The following ATP2B3 variants were observed in gnomAD, a reference collection of about 807,000 sequenced individuals.
ATP2B3 encodes the protein plasma membrane calcium-transporting ATPase 3.
In ATP2B3, 12 loss-of-function variants were observed where a neutral mutation model predicts 70.8. That is an observed-to-expected ratio of 0.17 (90% CI 0.11 to 0.27). The LOEUF (loss-of-function observed/expected upper bound fraction) is 0.27. ATP2B3 is among the 10% of genes least tolerant of loss of function. The pLI is 1.00. For missense variants in ATP2B3, 858 were observed against 1,118.5 expected (o/e 0.77, Z 3.32); for synonymous variants, 460 against 497.8 (o/e 0.92, Z 1.01).
intron 3 of ATP2B3, among the ~76,000 whole-genome samples, chrX:153,539,092 G>C (rs370087290): frequency 2.7e-5 from 3 of 112,532 alleles, no homozygotes; most frequent in African/African-American, 9.7e-5. Context: ...CGGTTAGCAC[G>C]TGCTTCTTCT....
At chrX:153,532,514 G>A (rs1343231464) in intron 2 of ATP2B3, among the ~76,000 whole-genome samples, 4 of 112,074 alleles carry the variant, frequency 3.6e-5, no homozygotes, top group South Asian at 3.7e-4. Context: ...TCCAGAAGGC[G>A]GTTGAGTAAT....
Position 153,549,537 on chromosome X carries a change from C to G in ATP2B3, c.1379C>G (p.Ala460Gly). The G allele has an allele frequency of 8.2e-7, 1 of 1,212,222 alleles. No individual in the cohort carries two copies. The highest frequency in any genetic ancestry group is 1.7e-5 in the African/African-American group (1 of 57,929). Residue 460 changes from alanine to glycine, a missense_variant, in exon 11 of 22, where the codon GCC (alanine) becomes GGC (glycine). Around this residue, in one of 5 missense-constraint regions of ATP2B3, gnomAD observed 23 missense variants for 59.0 expected, o/e 0.39. Transcript: ENST00000263519. ...AACAACCTGGTGCGCCACCTGGATG[C>G]CTGCGAGACCATGGGCAACGCCACA... ...KDNNLVRHLD[A>G]CETMGNATAI...
chrX:153,580,197 A>G lies in ATP2B3; in HGVS notation c.3562A>G (p.Ser1188Gly). 1 of 1,150,906 alleles carries G rather than the reference A, an allele frequency of 8.7e-7. No homozygotes were observed. Among genetic ancestry groups the G allele is most frequent in the Non-Finnish European group, 1.2e-6 (1 of 860,760 alleles). 94.8% of individuals were successfully genotyped at this position (1,150,906 alleles called of 1,213,427 possible). A position where few individuals can be genotyped will look rare whatever the true frequency, so the allele number is the denominator to read the frequency against. ...CAACCAGAACAACAACGCCATAGAC[A>G]GCGGCATCTACCTGACCACGCATGT... ...SPNQNNNAID[S>G]GIYLTTHVTK... The change falls in exon 22 of 22, where the codon AGC (serine) becomes GGC (glycine). Residue 1188 changes from serine (S) to glycine (G), a missense_variant. Physicochemically the swap from Ser to Gly is moderately conservative, Grantham distance 56. This residue lies in a region of ATP2B3 where 265 missense variants were observed against 305.3 expected (regional missense o/e 0.87). Coordinates refer to ENST00000263519, the MANE Select transcript of ATP2B3 (RefSeq NM_001001344.3).
intron 11 of ATP2B3, 104 bp from the exon 12 acceptor site, chrX:153,549,941 C>G: frequency 8.8e-7 from 1 of 1,141,825 alleles, no homozygotes; most frequent in Non-Finnish European, 1.2e-6. Context: ...GCCGCCCACA[C>G]CCTAACAATG....
chrX:153,552,683 G>A (rs2090474823), intron 12 of ATP2B3, among the ~76,000 whole-genome samples: 1 of 112,462 alleles, frequency 8.9e-6, no homozygotes, highest in Admixed American at 9.4e-5. Flanking sequence ...GCGTCCTGGT[G>A]CCCTCAAGCA....
intron 13 of ATP2B3, among the ~76,000 whole-genome samples, chrX:153,553,961 G>A (rs938339169): frequency 1.1e-4 from 13 of 113,760 alleles, no homozygotes; most frequent in African/African-American, 3.5e-4. Flanking sequence ...CTGTGACCCT[G>A]ACAACTTGTC....
intron 20 of ATP2B3, among the ~76,000 whole-genome samples, chrX:153,562,778 G>A (rs1056580500): frequency 9.8e-5 from 11 of 112,219 alleles, no homozygotes; most frequent in Admixed American, 2.8e-4. Context: ...CATCAGCTCC[G>A]ACTGCCATAG....
At chrX:153,565,570 T>C (rs1423733576) in intron 21 of ATP2B3, among the ~76,000 whole-genome samples, 1 of 112,387 alleles carries the variant, frequency 8.9e-6, no homozygotes, top group African/African-American at 3.2e-5. Flanking sequence ...GGAAGTGGAC[T>C]CTGGCCACCG....
At chrX:153,571,159 C>A (rs1443263289) in intron 21 of ATP2B3, among the ~76,000 whole-genome samples, 1 of 112,299 alleles carries the variant, frequency 8.9e-6, no homozygotes, top group African/African-American at 3.2e-5. Context: ...AAGCAGTCGG[C>A]GCCTCCAGTG....
At chrX:153,534,924 G>A (rs1165907796) in intron 2 of ATP2B3, among the ~76,000 whole-genome samples, 3 of 112,949 alleles carry the variant, frequency 2.7e-5, no homozygotes, top group Non-Finnish European at 5.6e-5. Context: ...TTTCTTCAGG[G>A]CTCTGGGCCA....
intron 9 of ATP2B3, 88 bp from the exon 10 acceptor site, chrX:153,548,552 C>T (rs782811607): frequency 4.3e-5 from 36 of 846,480 alleles, no homozygotes; most frequent in Non-Finnish European, 3.6e-5. Context: ...CCTCCGAGAC[C>T]GTGTCCATAC....
At chrX:153,573,433 T>C (rs1480282847) in intron 21 of ATP2B3, among the ~76,000 whole-genome samples, 16 of 112,096 alleles carry the variant, frequency 1.4e-4, no homozygotes, top group Non-Finnish European at 2.5e-4. Flanking sequence ...CTGGGAACGG[T>C]GTATTGGCAT....
At chrX:153,561,000 A>T in intron 19 of ATP2B3, 113 bp downstream of exon 19, 1 of 900,278 alleles carries the variant, frequency 1.1e-6, no homozygotes. Context: ...CACTCCCAGA[A>T]GGAGCCCCAC....
chrX:153,568,509 C>T (rs1044644577), intron 21 of ATP2B3, among the ~76,000 whole-genome samples: 1 of 111,496 alleles, frequency 9.0e-6, no homozygotes, highest in Non-Finnish European at 1.9e-5. Context: ...CGCAAGCCAC[C>T]GCGACGCCAT....
At chrX:153,556,016 G>C (rs781807146) in intron 13 of ATP2B3, 33 bp from the exon 14 acceptor site, 2 of 1,210,419 alleles carry the variant, frequency 1.7e-6, no homozygotes, top group South Asian at 3.5e-5. Context: ...GTCTTGCCTC[G>C]ATGGCCCCGC....
chrX:153,539,531 T>C (rs1348924145), intron 3 of ATP2B3, among the ~76,000 whole-genome samples: 4 of 113,330 alleles, frequency 3.5e-5, no homozygotes, highest in Non-Finnish European at 7.5e-5. Context: ...TGGAGGGTCT[T>C]GTGTGCCTTC....
chrX:153,534,980 G>C (rs986759284), intron 2 of ATP2B3, among the ~76,000 whole-genome samples: 1 of 112,711 alleles, frequency 8.9e-6, no homozygotes, highest in African/African-American at 3.2e-5. Flanking sequence ...CCCCAGAGAC[G>C]GGGGTTCAGG....
intron 21 of ATP2B3, among the ~76,000 whole-genome samples, chrX:153,578,163 C>A (rs1193310077): frequency 8.9e-6 from 1 of 112,537 alleles, no homozygotes; most frequent in Non-Finnish European, 1.9e-5. Flanking sequence ...ATTTTATTAA[C>A]CAAAACTAGC....
At chrX:153,538,355 C>T (rs782614063) in intron 3 of ATP2B3, among the ~76,000 whole-genome samples, 54 of 113,118 alleles carry the variant, frequency 4.8e-4, no homozygotes, top group Non-Finnish European at 8.6e-4. Context: ...TGCTTTATGG[C>T]GCATAGTGCA....
Sources: allele counts gnomAD v4.1 joint callset (sites outside exome capture counted in the v4.1 genomes callset), GRCh38; gene constraint gnomAD v4.1.1; regional missense constraint gnomAD v4.1.1; transcripts MANE v1.5; gene names NCBI Gene and HGNC (gene_info 2026-07-23, HGNC 2026-07-21).